The following F2 variants were observed in gnomAD, a reference collection of about 807,000 sequenced individuals.
F2 encodes the protein prothrombin.
In F2, 34 loss-of-function variants were observed where a neutral mutation model predicts 81.9. The observed-to-expected ratio is 0.42, with a 90% confidence interval of 0.32 to 0.55. The LOEUF (loss-of-function observed/expected upper bound fraction) is 0.55. Ranked by LOEUF, F2 falls within the 20% of genes least tolerant of loss-of-function variation. F2 has a pLI of 0.18. For synonymous variants in F2, 296 were observed against 326.4 expected, an observed-to-expected ratio of 0.91 and a Z score of 1.01; for missense variants, 630 against 833.4, an observed-to-expected ratio of 0.76 and a Z score of 3.00.
Position 46,726,307 on chromosome 11 carries a change from A to G in F2, c.874+134A>G. The stretch of plus-strand genomic sequence containing the variant: ...GCCTTACAGTAACCAGGTGGGGGGT[A>G]AGGTCCTGTGCCCATTTCACAGATA... On this transcript the variant is annotated intron_variant, in intron 7 of 13. Transcript: ENST00000311907. This position sits in a 1 kb window ranked among gnomAD's most constrained non-coding sequence, Gnocchi z 5.9. 2 of 1,435,668 alleles carry G rather than the reference A, an allele frequency of 1.4e-6. No homozygotes were observed. Among genetic ancestry groups the G allele is most frequent in the Non-Finnish European group, 1.9e-6 (2 of 1,054,754 alleles). The allele number at this position is 1,435,668 out of a possible 1,614,324, so 88.9% of individuals were successfully genotyped here. A position where few individuals can be genotyped will look rare whatever the true frequency, so the allele number is the denominator to read the frequency against.
rs1237764824 is a variant in F2 at position 46,719,820 on chromosome 11, C to A, written c.198C>A (p.Ser66Arg). The A allele has an allele frequency of 2.3e-5, 36 of 1,589,118 alleles. No homozygotes were observed. The highest frequency in any genetic ancestry group is 2.8e-5 in the Non-Finnish European group (33 of 1,168,636). ...LERECVEETC[S>R]YEEAFEALES... ...GAGAGTGCGTGGAGGAGACGTGCAG[C>A]TACGAGGAGGCCTTCGAGGCTCTGG... The change falls in exon 2 of 14, where the codon AGC becomes AGA. Residue 66 changes from serine (S) to arginine (R), a missense_variant. Transcript: ENST00000311907. The surrounding 1 kb of genome is among the most constrained non-coding windows in gnomAD (Gnocchi z 4.7).
At chr11:46,734,247 G>T (rs2064931162) in intron 12 of F2, among the ~76,000 whole-genome samples, 1 of 151,990 alleles carries the variant, frequency 6.6e-6, no homozygotes. Flanking sequence ...ACAGGTGCGT[G>T]CCTGGCTAGT....
chr11:46,719,990 C>G lies in F2; in HGVS notation c.240+128C>G. 1 of 1,316,962 alleles carries G rather than the reference C, an allele frequency of 7.6e-7. No homozygotes were observed. The highest frequency in any genetic ancestry group is 1.0e-6 in the Non-Finnish European group (1 of 953,392). 81.6% of individuals were successfully genotyped at this position (1,316,962 alleles called of 1,614,324 possible). A position where few individuals can be genotyped will look rare whatever the true frequency, so the allele number is the denominator to read the frequency against. ...TCACAGCCTCATTTCAACTCTGAGCCCCTCCTCACAGGGCTGGCAAGAGGA... is the reference window on the plus strand; with the variant it reads ...TCACAGCCTCATTTCAACTCTGAGCGCCTCCTCACAGGGCTGGCAAGAGGA... On this transcript the variant is annotated intron_variant, in intron 2 of 13. Coordinates refer to ENST00000311907, the MANE Select transcript of F2 (RefSeq NM_000506.5). The surrounding 1 kb of genome is among the most constrained non-coding windows in gnomAD (Gnocchi z 4.7).
rs2064826091 is a variant in F2, at chr11:46,719,974, CA to C, written c.240+113del. On this transcript the variant is annotated intron_variant, in intron 2 of 13. Transcript: ENST00000311907. This position sits in a 1 kb window ranked among gnomAD's most constrained non-coding sequence, Gnocchi z 4.7. ...ACAGCCCCTTCGCTGCTCACAGCCT[CA>C]TTTCAACTCTGAGCCCCTCCTCACA... The C allele has an allele frequency of 1.4e-6, 2 of 1,403,468 alleles. No homozygotes were observed. Among genetic ancestry groups the C allele is most frequent in the Non-Finnish European group, 1.9e-6 (2 of 1,029,904 alleles). 86.9% of individuals were successfully genotyped at this position (1,403,468 alleles called of 1,614,324 possible).
intron 12 of F2, among the ~76,000 whole-genome samples, chr11:46,733,628 G>A (rs2064926752): frequency 6.6e-6 from 1 of 152,080 alleles, no homozygotes; most frequent in Non-Finnish European, 1.5e-5. Context: ...CACAGTGTAT[G>A]AGAATGCCTG....
At chr11:46,729,923 T>A (rs2064899996) in intron 12 of F2, among the ~76,000 whole-genome samples, 1 of 149,330 alleles carries the variant, frequency 6.7e-6, no homozygotes, top group Non-Finnish European at 1.5e-5. Flanking sequence ...ACAATGTCTG[T>A]GCCCTCAGAG....
At chr11:46,737,441 C>CTTTT (rs71042617) in intron 12 of F2, among the ~76,000 whole-genome samples, 1 of 94,230 alleles carries the variant, frequency 1.1e-5, no homozygotes, top group African/African-American at 4.0e-5. Context: ...CGTGCCTGGC[C>CTTTT]TTTTTTTTTT....
At position 46,728,612 on chromosome 11, in the gene F2, C is replaced by T. The variant is rs1002355578; in HGVS notation, c.1299-52C>T. ...CCCCAAGGGCAGGCAGTTTCCTGCT[C>T]CTTGCTGGGTGAACCTGCAGCTTCT... On this transcript the variant is annotated intron_variant, in intron 10 of 13. Coordinates refer to ENST00000311907, the MANE Select transcript of F2 (RefSeq NM_000506.5). The surrounding 1 kb of genome is among the most constrained non-coding windows in gnomAD (Gnocchi z 5.1). The T allele has an allele frequency of 4.4e-6, 7 of 1,607,684 alleles. No individual in the cohort carries two copies. The highest frequency in any genetic ancestry group is 3.5e-4 in the Middle Eastern group (2 of 5,780).
At chr11:46,721,841 A>ATTTTTT (rs1195063307) in intron 4 of F2, among the ~76,000 whole-genome samples, 3 of 130,014 alleles carry the variant, frequency 2.3e-5, no homozygotes, top group Non-Finnish European at 3.3e-5. Context: ...CCATACTTTC[A>ATTTTTT]TTTTTTTTTT....
chr11:46,719,702 T>C lies in F2; in HGVS notation c.80T>C (p.Val27Ala). Residue 27 changes from valine (V) to alanine (A), a missense_variant and splice_region_variant, in exon 2 of 14, where the codon GTG becomes GCG. By Grantham distance (64) the Val-to-Ala change is moderately conservative. Coordinates refer to ENST00000311907, the MANE Select transcript of F2 (RefSeq NM_000506.5). This position sits in a 1 kb window ranked among gnomAD's most constrained non-coding sequence, Gnocchi z 4.7. ...CCATGACCCCCCCACCGCCTTACAG[T>C]GTTCCTGGCTCCTCAGCAAGCACGG... ...ALCSLVHSQH[V>A]FLAPQQARSL... 1 of 1,588,572 alleles carries C rather than the reference T, an allele frequency of 6.3e-7. No individual in the cohort carries two copies. Among genetic ancestry groups the C allele is most frequent in the Non-Finnish European group, 8.6e-7 (1 of 1,168,760 alleles).
intron 6 of F2, among the ~76,000 whole-genome samples, chr11:46,724,729 C>T (rs1018213892): frequency 1.3e-5 from 2 of 151,690 alleles, no homozygotes; most frequent in Non-Finnish European, 2.9e-5. Context: ...GTTCTCTAGG[C>T]ATCCCTGTCG....
Position 46,728,918 on chromosome 11 carries a change from G to A in F2, c.1472+81G>A, listed in dbSNP as rs543149953. 1 of 1,505,794 alleles carries A rather than the reference G, an allele frequency of 6.6e-7. No individual in the cohort carries two copies. Among genetic ancestry groups the A allele is most frequent in the African/African-American group, 1.4e-5 (1 of 72,936 alleles). 93.3% of individuals were successfully genotyped at this position (1,505,794 alleles called of 1,614,324 possible). A position where few individuals can be genotyped will look rare whatever the true frequency, so the allele number is the denominator to read the frequency against. ...TCTGATACCAAGTAGCCTTGCAAGA[G>A]CCCCTTTCCCTTTTCCAGGCCTCGG... On this transcript the variant is annotated intron_variant, in intron 11 of 13. Transcript: ENST00000311907. This position sits in a 1 kb window ranked among gnomAD's most constrained non-coding sequence, Gnocchi z 5.1.
Position 46,728,286 on chromosome 11 carries a change from C to A in F2, c.1298+123C>A. 1 of 1,117,460 alleles carries A rather than the reference C, an allele frequency of 8.9e-7. No homozygotes were observed. Among genetic ancestry groups the A allele is most frequent in the Non-Finnish European group, 1.3e-6 (1 of 761,278 alleles). 69.2% of individuals were successfully genotyped at this position (1,117,460 alleles called of 1,614,324 possible). A position where few individuals can be genotyped will look rare whatever the true frequency, so the allele number is the denominator to read the frequency against. The stretch of plus-strand genomic sequence containing the variant: ...GTATACCCCCCAGAATATAACATCC[C>A]AGCAGTCTCTGCTGGAAAGCCCATT... On this transcript the variant is annotated intron_variant, in intron 10 of 13. Transcript: ENST00000311907. This position sits in a 1 kb window ranked among gnomAD's most constrained non-coding sequence, Gnocchi z 5.1.
At chr11:46,733,493 A>G (rs994829583) in intron 12 of F2, among the ~76,000 whole-genome samples, 1 of 152,160 alleles carries the variant, frequency 6.6e-6, no homozygotes, top group Admixed American at 6.6e-5. Flanking sequence ...GTGAGCCACC[A>G]TGCCTGGCCT....
chr11:46,735,564 A>G (rs2064938931), intron 12 of F2, among the ~76,000 whole-genome samples: 1 of 152,096 alleles, frequency 6.6e-6, no homozygotes, highest in Admixed American at 6.6e-5. Context: ...TCAATACTGC[A>G]GTGAGCTATG....
rs747234596 is a variant in F2, at chr11:46,726,801, T to C, written c.1094T>C (p.Val365Ala). Residue 365 changes from valine to alanine, a missense_variant, in exon 9 of 14, where the codon GTG (valine) becomes GCG (alanine). By Grantham distance (64) the Val-to-Ala change is moderately conservative. Coordinates refer to ENST00000311907, the MANE Select transcript of F2 (RefSeq NM_000506.5). This position sits in a 1 kb window ranked among gnomAD's most constrained non-coding sequence, Gnocchi z 5.9. ...GAATCCTACATCGACGGGCGCATTG[T>C]GGAGGGCTCGGATGCAGAGATCGGC... is the stretch of plus-strand genomic sequence containing the variant. ...LLESYIDGRIVEGSDAEIGMS... is the reference protein window; with the variant it reads ...LLESYIDGRIAEGSDAEIGMS... 3.7e-6 allele frequency: 6 copies of C among 1,614,182 alleles called. No homozygotes were observed. The highest frequency in any genetic ancestry group is 2.2e-5 in the East Asian group (1 of 44,886).
intron 12 of F2, among the ~76,000 whole-genome samples, chr11:46,737,733 C>T (rs538969894): frequency 2.7e-4 from 41 of 152,074 alleles, no homozygotes; most frequent in African/African-American, 9.2e-4. Context: ...CCACTGCGCC[C>T]GGCCAGGCCT....
chr11:46,720,209 G>A, intron 2 of F2: 1 of 550,452 alleles, frequency 1.8e-6, no homozygotes, highest in East Asian at 3.2e-5. Flanking sequence ...AAGCCCCCGG[G>A]CTCAAGACTC....
At chr11:46,732,904 AC>A (rs2064922171) in intron 12 of F2, among the ~76,000 whole-genome samples, 2 of 152,196 alleles carry the variant, frequency 1.3e-5, no homozygotes, top group Admixed American at 6.5e-5. Flanking sequence ...TCTCCAGGGA[AC>A]CCTTGTAGTC....
Sources: gnomAD v4.1 joint callset for allele counts (sites outside exome capture counted in the v4.1 genomes callset) on GRCh38, gnomAD v4.1.1 for gene constraint, Gnocchi (gnomAD v3.1) non-coding constraint, MANE v1.5 for transcripts, NCBI Gene and HGNC (gene_info 2026-07-23, HGNC 2026-07-21) for gene names.